Variants in HERC2 observed in about 807,000 individuals in gnomAD.
The protein encoded by HERC2 is HECT and RLD domain containing E3 ubiquitin protein ligase 2.
Under a neutral mutation model 537.7 loss-of-function variants are expected in HERC2, and 102 were observed. The observed-to-expected ratio is 0.19, with a 90% CI of 0.16 to 0.22. HERC2 has a LOEUF of 0.22. Ranked by LOEUF, HERC2 falls within the 10% of genes least tolerant of loss-of-function variation. The probability of loss-of-function intolerance (pLI) is 1.00; values close to 1 mark genes in which losing one functional copy is unlikely to be tolerated. For missense variants in HERC2, 4,236 were observed against 6,198.2 expected (o/e 0.68, Z 10.63); for synonymous variants, 2,224 against 2,466.2 (o/e 0.90, Z 2.91).
intron 83 of HERC2, among the ~76,000 whole-genome samples, chr15:28,129,154 G>A (rs1039112815): frequency 1.3e-5 from 2 of 152,130 alleles, no homozygotes; most frequent in East Asian, 3.8e-4. Context: ...ACCGCCCCAC[G>A]CTCCTGATTC....
intron 73 of HERC2, 37 bp from the exon 74 acceptor site, chr15:28,144,028 G>A (rs775169729): frequency 6.2e-7 from 1 of 1,614,136 alleles, no homozygotes; most frequent in Admixed American, 1.7e-5. Context: ...GAAGTCTGAT[G>A]GTTTCTTCCA....
At position 28,315,270 on chromosome 15, in the gene HERC2, C is replaced by T. The variant is rs80337157; in HGVS notation, c.72+6092G>A. Among the ~76,000 whole-genome samples, 72 of 152,316 alleles carry T rather than the reference C, an allele frequency of 4.7e-4. No individual in the cohort carries two copies. The East Asian group carries it at 0.011, about 24-fold the overall frequency. Reference sequence around the variant, plus strand: ...CGTTCATACCACAGGGAATTCACACCCACACTCGCCACACCTTCCAGGCTG... The same window carrying T: ...CGTTCATACCACAGGGAATTCACACTCACACTCGCCACACCTTCCAGGCTG... On this transcript the variant is annotated intron_variant, in intron 2 of 92. Coordinates refer to ENST00000261609, the MANE Select transcript of HERC2 (RefSeq NM_004667.6).
Position 28,114,683 on chromosome 15 carries a change from C to A in HERC2, c.13842G>T (p.Gln4614His), listed in dbSNP as rs759925957. 6.2e-7 allele frequency: 1 copy of A among 1,614,134 alleles called. No homozygotes were observed. Among genetic ancestry groups the A allele is most frequent in the South Asian group, 1.1e-5 (1 of 91,074 alleles). ...TVPSASGQDI[Q>H]LSSKHTHITL... ...TGATGTGTGTGTGCTTGGAGCTCAA[C>A]TGAATGTCCTGGCCACTGGCACTTG... Residue 4614 changes from glutamine to histidine, a missense_variant, in exon 90 of 93, where the codon CAG becomes CAT. Coordinates refer to ENST00000261609, the MANE Select transcript of HERC2 (RefSeq NM_004667.6).
intron 88 of HERC2, among the ~76,000 whole-genome samples, chr15:28,115,805 C>T (rs1270773669): frequency 6.6e-6 from 1 of 152,236 alleles, no homozygotes; most frequent in Non-Finnish European, 1.5e-5. Flanking sequence ...AATTCTTCTT[C>T]TTATGACAGC....
At position 28,169,605 on chromosome 15, in the gene HERC2, C is replaced by T. The variant is rs543518093; in HGVS notation, c.10108G>A (p.Ala3370Thr). The T allele has an allele frequency of 2.5e-6, 4 of 1,613,938 alleles. No individual in the cohort carries two copies. Among genetic ancestry groups the T allele is most frequent in the African/African-American group, 2.7e-5 (2 of 75,058 alleles). ...SSAASNKISG[A>T]SNSKPNRPSL... ...GGGCGATTTGGCTTAGAATTACTTGCACCACTTATTTTATTACTGGCAGCA... is the reference window on the plus strand; with the variant it reads ...GGGCGATTTGGCTTAGAATTACTTGTACCACTTATTTTATTACTGGCAGCA... Residue 3370 changes from alanine to threonine, a missense_variant, in exon 66 of 93, where the codon GCA becomes ACA. Coordinates refer to ENST00000261609, the MANE Select transcript of HERC2 (RefSeq NM_004667.6).
Position 28,143,970 on chromosome 15 carries a change from G to C in HERC2, c.11321C>G (p.Ala3774Gly), listed in dbSNP as rs201074808. Residue 3774 changes from alanine to glycine, a missense_variant, in exon 74 of 93, where the codon GCC becomes GGC. Around this residue, in one of 27 missense-constraint regions of HERC2, gnomAD observed 109 missense variants for 133.5 expected, o/e 0.82. Coordinates refer to ENST00000261609, the MANE Select transcript of HERC2 (RefSeq NM_004667.6). Reference sequence around the variant, plus strand: ...AAGCAGCTTCCTCAGTCTCTGAAGGGCCCACATTCTGTGACTGGCAGCTGA... The same window carrying C: ...AAGCAGCTTCCTCAGTCTCTGAAGGCCCCACATTCTGTGACTGGCAGCTGA... ...SALAASHRMW[A>G]LQRLRKLLTT... 15 of 1,614,010 alleles carry C rather than the reference G, an allele frequency of 9.3e-6. No individual in the cohort carries two copies. The highest frequency in any genetic ancestry group is 1.3e-5 in the Non-Finnish European group (15 of 1,180,040).
At chr15:28,164,852 G>A (rs1893969234) in intron 68 of HERC2, among the ~76,000 whole-genome samples, 1 of 152,130 alleles carries the variant, frequency 6.6e-6, no homozygotes. Context: ...CCTCAAACCA[G>A]GAGACTGCCA....
At chr15:28,172,026 G>C (rs1244579576) in intron 65 of HERC2, among the ~76,000 whole-genome samples, 2 of 148,260 alleles carry the variant, frequency 1.3e-5, no homozygotes, top group Non-Finnish European at 3.0e-5. Context: ...AGTGAGCCGA[G>C]ATTGCGCCAC....
In HERC2 at chr15:28,251,394, G is replaced by A. The variant is rs1596324535; in HGVS notation, c.3051-2658C>T. Among the ~76,000 whole-genome samples the A allele has an allele frequency of 5.9e-5, 9 of 151,622 alleles. No homozygotes were observed. The South Asian group carries it at 1.7e-3, about 28-fold the overall frequency. ...GGAGGCAGAGGCTGCAGTGAGCTGA[G>A]ATCGTGCCACTGCACTCCAGTCTGG... is the stretch of plus-strand genomic sequence containing the variant. On this transcript the variant is annotated intron_variant, in intron 20 of 92. Transcript: ENST00000261609.
At position 28,317,007 on chromosome 15, in the gene HERC2, C is replaced by A. The variant is rs1249407407; in HGVS notation, c.72+4355G>T. Among the ~76,000 whole-genome samples the A allele has an allele frequency of 2.6e-5, 4 of 152,278 alleles. No homozygotes were observed. The East Asian group carries it at 5.8e-4, about 22-fold the overall frequency. On this transcript the variant is annotated intron_variant, in intron 2 of 92. Coordinates refer to ENST00000261609, the MANE Select transcript of HERC2 (RefSeq NM_004667.6). Reference sequence around the variant, plus strand: ...GGCCAGGATGACCTCGATCTCCTGACCTCAGCCTCCCAAACTGCTAGGATT... The same window carrying A: ...GGCCAGGATGACCTCGATCTCCTGAACTCAGCCTCCCAAACTGCTAGGATT...
intron 92 of HERC2, 77 bp from the exon 93 acceptor site, chr15:28,112,112 G>A (rs1887707955): frequency 5.0e-6 from 7 of 1,408,428 alleles, no homozygotes; most frequent in Admixed American, 1.9e-5. Flanking sequence ...TAGACTCTTC[G>A]TGCTCACAAA....
intron 23 of HERC2, among the ~76,000 whole-genome samples, chr15:28,240,746 T>C (rs773487279): frequency 2.4e-4 from 36 of 152,152 alleles, no homozygotes; most frequent in Non-Finnish European, 3.7e-4. Context: ...ATCCATCACG[T>C]ATTTGGTCAT....
chr15:28,209,222 G>A (rs569279837), intron 44 of HERC2, among the ~76,000 whole-genome samples: 2 of 152,038 alleles, frequency 1.3e-5, no homozygotes, highest in Non-Finnish European at 2.9e-5. Flanking sequence ...ATATCCATGG[G>A]TTCTGCATCC....
At chr15:28,201,393 A>T (rs1897891431) in intron 48 of HERC2, 63 bp downstream of exon 48, 2 of 1,062,146 alleles carry the variant, frequency 1.9e-6, no homozygotes, top group Non-Finnish European at 1.5e-6. Flanking sequence ...GGCATATAGG[A>T]CATACTCAAA....
At chr15:28,285,118 T>C (rs922374397) in intron 4 of HERC2, among the ~76,000 whole-genome samples, 2 of 152,014 alleles carry the variant, frequency 1.3e-5, no homozygotes, top group Non-Finnish European at 2.9e-5. Context: ...CCTCAAAGTC[T>C]CTCTCTACAG....
chr15:28,233,633 A>T (rs1902114161), intron 28 of HERC2, 31 bp downstream of exon 28: 1 of 1,613,856 alleles, frequency 6.2e-7, no homozygotes, highest in Non-Finnish European at 8.5e-7. Context: ...TCTGCAGTGT[A>T]CCTAAAGTAC....
At chr15:28,232,234 A>G (rs1430613088) in intron 30 of HERC2, among the ~76,000 whole-genome samples, 1 of 152,208 alleles carries the variant, frequency 6.6e-6, no homozygotes, top group Non-Finnish European at 1.5e-5. Flanking sequence ...TGAGTAAATC[A>G]GTATAAGTCA....
At chr15:28,319,591 A>C (rs1484033380) in intron 2 of HERC2, among the ~76,000 whole-genome samples, 9 of 150,280 alleles carry the variant, frequency 6.0e-5, no homozygotes, top group African/African-American at 2.2e-4. Context: ...TCTCAAAAAA[A>C]AAAAAAAAAA....
chr15:28,259,631 A>G (rs1430264346), intron 16 of HERC2, among the ~76,000 whole-genome samples: 1 of 151,684 alleles, frequency 6.6e-6, no homozygotes. Flanking sequence ...ATCCTCAACA[A>G]CCTGTTAGCA....
Sources: allele counts gnomAD v4.1 joint callset (sites outside exome capture counted in the v4.1 genomes callset), GRCh38; gene constraint gnomAD v4.1.1; regional missense constraint gnomAD v4.1.1; transcripts MANE v1.5; gene names NCBI Gene and HGNC (gene_info 2026-07-23, HGNC 2026-07-21).